Variants in ARHGEF37 observed in about 807,000 individuals in gnomAD.
ARHGEF37 encodes Rho guanine nucleotide exchange factor (GEF) 37.
Under a neutral mutation model 71.1 loss-of-function variants are expected in ARHGEF37, and 55 were observed. The ratio of observed to expected loss-of-function variants is 0.77; its 90% CI spans 0.62 to 0.97. The LOEUF is 0.97. Among genes scored for constraint, ARHGEF37 ranks in the 50% least tolerant of loss-of-function variants. The pLI, the probability that ARHGEF37 is intolerant of heterozygous loss-of-function variation, is 0.00. For missense variants in ARHGEF37, 765 were observed against 836.8 expected, an observed-to-expected ratio of 0.91 and a Z score of 1.06; for synonymous variants, 327 against 350.6, an observed-to-expected ratio of 0.93 and a Z score of 0.75.
In ARHGEF37 at chr5:149,615,587, G is replaced by A. The variant is rs549379558; in HGVS notation, c.459-980G>A. Among the ~76,000 whole-genome samples the A allele has an allele frequency of 6.4e-4, 97 of 151,968 alleles. 1 individual carries two copies. Among genetic ancestry groups the A allele is most frequent in the Non-Finnish European group, 1.2e-3 (84 of 67,998 alleles). Reference sequence around the variant, plus strand: ...ATAAATCTCTAAAAATTAAGTTCCCGTGATTTTAAGAACATTTTTTTTGGT... The same window carrying A: ...ATAAATCTCTAAAAATTAAGTTCCCATGATTTTAAGAACATTTTTTTTGGT... On this transcript the variant is annotated intron_variant, in intron 4 of 12. Transcript: ENST00000333677.
chr5:149,584,069 A>G (rs1763172325), intron 1 of ARHGEF37, among the ~76,000 whole-genome samples: 1 of 152,120 alleles, frequency 6.6e-6, no homozygotes, highest in African/African-American at 2.4e-5. Context: ...GAATTTTATA[A>G]TTCTAATAAT....
intron 3 of ARHGEF37, among the ~76,000 whole-genome samples, chr5:149,603,036 G>A (rs142306427): frequency 0.026 from 3,898 of 152,068 alleles, 162 homozygotes; most frequent in African/African-American, 0.09. Flanking sequence ...AGGTTCAAGC[G>A]ATTCTCCTGC....
At chr5:149,554,593 T>G (rs1443336152) in intron 1 of ARHGEF37, among the ~76,000 whole-genome samples, 1 of 151,996 alleles carries the variant, frequency 6.6e-6, no homozygotes, top group Non-Finnish European at 1.5e-5. Context: ...CCTTTTCAAA[T>G]GTGATTTTAG....
chr5:149,568,712 G>A (rs1280681908), intron 1 of ARHGEF37, among the ~76,000 whole-genome samples: 1 of 151,324 alleles, frequency 6.6e-6, no homozygotes, highest in African/African-American at 2.4e-5. Context: ...TTGGGAGGCT[G>A]AGGCAGGGAG....
intron 1 of ARHGEF37, among the ~76,000 whole-genome samples, chr5:149,564,866 T>C (rs1762880912): frequency 6.6e-6 from 1 of 152,114 alleles, no homozygotes; most frequent in Admixed American, 6.6e-5. Flanking sequence ...GTAGATCCCA[T>C]GGTATGGCAC....
intron 1 of ARHGEF37, among the ~76,000 whole-genome samples, chr5:149,557,045 T>C (rs896349761): frequency 4.6e-5 from 7 of 152,230 alleles, no homozygotes; most frequent in Non-Finnish European, 1.0e-4. Context: ...GAAAGTGGAT[T>C]GCTGCATCTA....
Position 149,633,372 on chromosome 5 carries a change from T to G in ARHGEF37, c.*1181T>G, listed in dbSNP as rs952076769. 6.6e-6 allele frequency: 1 copy of G among 152,282 alleles called. No individual in the cohort carries two copies. The highest frequency in any genetic ancestry group is 1.9e-4 in the East Asian group (1 of 5,206). 9.4% of individuals were successfully genotyped at this position (152,282 alleles called of 1,614,324 possible). On this transcript the variant is annotated 3_prime_UTR_variant, in exon 13 of 13. Transcript: ENST00000333677. ...TGTTCATCAGTATAGCTTTCTTTCC[T>G]GTAACCCAGGATCTACCTTGGGGGG...
At chr5:149,614,018 C>T (rs779404414) in intron 4 of ARHGEF37, among the ~76,000 whole-genome samples, 2 of 151,974 alleles carry the variant, frequency 1.3e-5, no homozygotes, top group Non-Finnish European at 2.9e-5. Context: ...CCCACCTTGG[C>T]TTCCCAAAGG....
At chr5:149,552,771 C>T (rs1580875270) in intron 1 of ARHGEF37, among the ~76,000 whole-genome samples, 2 of 151,818 alleles carry the variant, frequency 1.3e-5, no homozygotes, top group African/African-American at 2.4e-5. Context: ...GCGGAGGTTG[C>T]GGTGAGACTA....
intron 7 of ARHGEF37, among the ~76,000 whole-genome samples, chr5:149,619,695 G>A (rs1467683090): frequency 2.0e-5 from 3 of 152,074 alleles, no homozygotes; most frequent in Non-Finnish European, 4.4e-5. Context: ...ATGCTATGGG[G>A]CATTTTTTTA....
At chr5:149,609,032 A>C (rs1409987521) in intron 3 of ARHGEF37, among the ~76,000 whole-genome samples, 1 of 151,960 alleles carries the variant, frequency 6.6e-6, no homozygotes, top group Non-Finnish European at 1.5e-5. Flanking sequence ...TAAACATACA[A>C]AAATTAGCCA....
At chr5:149,629,190 TG>T (rs1415765980) in intron 12 of ARHGEF37, among the ~76,000 whole-genome samples, 1 of 151,152 alleles carries the variant, frequency 6.6e-6, no homozygotes, top group East Asian at 2.0e-4. Context: ...ACTAACCCCT[TG>T]TTCCTCATCA....
chr5:149,555,364 C>T (rs1762739942), intron 1 of ARHGEF37, among the ~76,000 whole-genome samples: 1 of 152,108 alleles, frequency 6.6e-6, no homozygotes, highest in Non-Finnish European at 1.5e-5. Flanking sequence ...AGTACAATGG[C>T]ACCACCATAG....
At chr5:149,623,745 C>T (rs1488845663) in intron 9 of ARHGEF37, among the ~76,000 whole-genome samples, 6 of 152,194 alleles carry the variant, frequency 3.9e-5, no homozygotes, top group African/African-American at 1.2e-4. Context: ...CCTCAATCTC[C>T]CTGAATCCTG....
intron 12 of ARHGEF37, among the ~76,000 whole-genome samples, chr5:149,629,992 T>C (rs1752830787): frequency 6.9e-6 from 1 of 144,418 alleles, no homozygotes; most frequent in Admixed American, 7.2e-5. Context: ...GGCAAATCCG[T>C]AGAGATAGAA....
chr5:149,585,122 T>C (rs1207159963), intron 1 of ARHGEF37, among the ~76,000 whole-genome samples: 2 of 152,206 alleles, frequency 1.3e-5, no homozygotes, highest in Non-Finnish European at 2.9e-5. Context: ...ACTATTAGGA[T>C]GGCTAAAATG....
chr5:149,556,286 C>A (rs140467350), intron 1 of ARHGEF37, among the ~76,000 whole-genome samples: 1 of 152,160 alleles, frequency 6.6e-6, no homozygotes, highest in African/African-American at 2.4e-5. Flanking sequence ...CTCCGCCTCC[C>A]GGGTGCAAGT....
chr5:149,616,883 C>G, intron 5 of ARHGEF37, 117 bp downstream of exon 5: 1 of 1,097,160 alleles, frequency 9.1e-7, no homozygotes, highest in Non-Finnish European at 1.3e-6. Flanking sequence ...AACTATAAAT[C>G]CAGAGGTAAT....
rs985200625 is a variant in ARHGEF37 at position 149,633,454 on chromosome 5, C to T, written c.*1263C>T. ...TCTTTAACTTGGTAAGTGAGCCACC[C>T]CATTCTAGAACCTGGAAATTGGAGC... On this transcript the variant is annotated 3_prime_UTR_variant, in exon 13 of 13. Coordinates refer to ENST00000333677, the MANE Select transcript of ARHGEF37 (RefSeq NM_001001669.3). 3.3e-5 allele frequency: 5 copies of T among 152,264 alleles called. No individual in the cohort carries two copies. The highest frequency in any genetic ancestry group is 1.2e-4 in the African/African-American group (5 of 41,466). 9.4% of individuals were successfully genotyped at this position (152,264 alleles called of 1,614,324 possible).
Sources: gnomAD v4.1 joint callset for allele counts (sites outside exome capture counted in the v4.1 genomes callset) on GRCh38, gnomAD v4.1.1 for gene constraint, MANE v1.5 for transcripts, NCBI Gene and HGNC (gene_info 2026-07-23, HGNC 2026-07-21) for gene names.